The following AUTS2 variants were observed in gnomAD, a reference collection of about 807,000 sequenced individuals.
AUTS2 encodes autism susceptibility gene 2 protein.
AUTS2 carries 17 observed loss-of-function variants against 112.4 expected under a neutral mutation model. The ratio of observed to expected loss-of-function variants is 0.15; its 90% CI spans 0.10 to 0.23. The LOEUF (loss-of-function observed/expected upper bound fraction) is 0.23, where lower values mean the gene tolerates loss of function less well. AUTS2 is among the 10% of genes least tolerant of loss of function. The pLI is 1.00. For missense variants in AUTS2, 1,510 were observed against 1,701.6 expected (o/e 0.89, Z 1.98); for synonymous variants, 751 against 702.7 (o/e 1.07, Z -1.09).
intron 5 of AUTS2, among the ~76,000 whole-genome samples, chr7:70,560,281 C>A (rs1390804195): frequency 6.6e-6 from 1 of 152,200 alleles, no homozygotes; most frequent in Non-Finnish European, 1.5e-5. Context: ...ACTGAGCCAA[C>A]ATTTAGACAG....
At chr7:70,722,939 T>G (rs896530524) in intron 6 of AUTS2, among the ~76,000 whole-genome samples, 3 of 152,230 alleles carry the variant, frequency 2.0e-5, no homozygotes, top group African/African-American at 7.2e-5. Context: ...TACTTCAGCT[T>G]TTACAAACTA....
At chr7:70,098,021 T>G (rs1207412240) in intron 2 of AUTS2, among the ~76,000 whole-genome samples, 1 of 152,212 alleles carries the variant, frequency 6.6e-6, no homozygotes, top group East Asian at 1.9e-4. Context: ...CAAAACACAT[T>G]TGCAGCATTT....
At chr7:70,599,140 A>G (rs1045721138) in intron 5 of AUTS2, among the ~76,000 whole-genome samples, 1 of 152,218 alleles carries the variant, frequency 6.6e-6, no homozygotes, top group African/African-American at 2.4e-5. Context: ...TGCACAATGC[A>G]GATTACTCAC....
intron 1 of AUTS2, among the ~76,000 whole-genome samples, chr7:69,887,808 A>G (rs1794341685): frequency 1.3e-5 from 2 of 152,190 alleles, no homozygotes; most frequent in African/African-American, 4.8e-5. Flanking sequence ...GTAAATTATA[A>G]TTTGGCCTTG....
At chr7:70,290,219 C>T (rs1788646503) in intron 4 of AUTS2, 1 of 804,272 alleles carries the variant, frequency 1.2e-6, no homozygotes, top group Non-Finnish European at 1.8e-6. Flanking sequence ...TGATCATAAG[C>T]TTATGTTTTT....
intron 4 of AUTS2, among the ~76,000 whole-genome samples, chr7:70,185,451 A>G (rs1809551805): frequency 6.6e-6 from 1 of 151,828 alleles, no homozygotes; most frequent in African/African-American, 2.4e-5. Context: ...GAATGGGATA[A>G]ATGCCTCTCT....
chr7:70,730,508 C>T (rs902397702), intron 6 of AUTS2, among the ~76,000 whole-genome samples: 6 of 152,182 alleles, frequency 3.9e-5, no homozygotes, highest in African/African-American at 1.4e-4. Flanking sequence ...TGGTGTCATA[C>T]AACATGTGAT....
intron 2 of AUTS2, among the ~76,000 whole-genome samples, chr7:69,923,755 A>G (rs1473672996): frequency 6.6e-6 from 1 of 152,218 alleles, no homozygotes; most frequent in Non-Finnish European, 1.5e-5. Context: ...CCAGTTCACT[A>G]TCAATATGTA....
At chr7:70,252,378 G>C (rs1786647421) in intron 4 of AUTS2, among the ~76,000 whole-genome samples, 1 of 152,050 alleles carries the variant, frequency 6.6e-6, no homozygotes. Flanking sequence ...TCATATGTCT[G>C]ATGGCCATTT....
At chr7:70,019,840 A>T (rs1222464640) in intron 2 of AUTS2, among the ~76,000 whole-genome samples, 7 of 152,156 alleles carry the variant, frequency 4.6e-5, no homozygotes, top group Admixed American at 2.0e-4. Flanking sequence ...ATGTGATTTC[A>T]TGTGGTTTTA....
At chr7:70,738,463 A>G (rs1787904358) in intron 6 of AUTS2, among the ~76,000 whole-genome samples, 1 of 151,166 alleles carries the variant, frequency 6.6e-6, no homozygotes. Flanking sequence ...ATGTGTATAA[A>G]GTTGTGTGTT....
chr7:70,617,676 AG>A (rs1040565055), intron 5 of AUTS2, among the ~76,000 whole-genome samples: 20 of 150,604 alleles, frequency 1.3e-4, no homozygotes, highest in African/African-American at 4.9e-4. Flanking sequence ...GAAAAAAAAA[AG>A]AAGTTTGTGA....
intron 1 of AUTS2, among the ~76,000 whole-genome samples, chr7:69,793,331 C>G (rs556000479): frequency 5.3e-5 from 8 of 152,272 alleles, no homozygotes; most frequent in Admixed American, 5.2e-4. Flanking sequence ...CAAGTAAATT[C>G]GTCAAACATT....
chr7:69,907,055 C>T (rs2129541429), intron 2 of AUTS2, among the ~76,000 whole-genome samples: 1 of 152,218 alleles, frequency 6.6e-6, no homozygotes, highest in Admixed American at 6.5e-5. Context: ...TGCAGTGAGC[C>T]ATGTTCACGC....
At chr7:70,255,940 T>TA (rs1325859542) in intron 4 of AUTS2, among the ~76,000 whole-genome samples, 1 of 152,234 alleles carries the variant, frequency 6.6e-6, no homozygotes, top group Non-Finnish European at 1.5e-5. Context: ...TCCCTTTGTT[T>TA]AACAACGTTA....
intron 6 of AUTS2, among the ~76,000 whole-genome samples, chr7:70,757,298 G>A (rs546776122): frequency 1.2e-4 from 18 of 152,254 alleles, no homozygotes; most frequent in African/African-American, 3.6e-4. Context: ...AAAAGCTGAG[G>A]TTGGTTGTGG....
chr7:70,270,814 T>C (rs867051642), intron 4 of AUTS2, among the ~76,000 whole-genome samples: 1 of 152,132 alleles, frequency 6.6e-6, no homozygotes, highest in African/African-American at 2.4e-5. Flanking sequence ...CTTGAGTACA[T>C]TGAGAGGGTG....
At chr7:70,767,453 G>C (rs755942814) in intron 9 of AUTS2, among the ~76,000 whole-genome samples, 1 of 152,174 alleles carries the variant, frequency 6.6e-6, no homozygotes, top group Admixed American at 6.5e-5. Context: ...CTGCTGGCCT[G>C]TGTGAGCTGT....
At chr7:69,821,393 C>T (rs1044313387) in intron 1 of AUTS2, among the ~76,000 whole-genome samples, 7 of 152,038 alleles carry the variant, frequency 4.6e-5, no homozygotes, top group South Asian at 2.1e-4. Flanking sequence ...ATGCACCAAT[C>T]GGCACTCTGT....
Sources: allele counts gnomAD v4.1 joint callset (sites outside exome capture counted in the v4.1 genomes callset), GRCh38; gene constraint gnomAD v4.1.1; transcripts MANE v1.5; gene names NCBI Gene and HGNC (gene_info 2026-07-23, HGNC 2026-07-21).